Variants in NELL1 observed in about 807,000 individuals in gnomAD.
NELL1 encodes the protein protein kinase C-binding protein NELL1.
NELL1 carries 76 observed loss-of-function variants against 107.4 expected under a neutral mutation model. The observed-to-expected ratio is 0.71, with a 90% CI of 0.59 to 0.86. NELL1 has a LOEUF of 0.86. Among genes scored for constraint, NELL1 ranks in the 40% least tolerant of loss-of-function variants. The pLI is 0.00. For synonymous variants in NELL1, 353 were observed against 341.2 expected, an observed-to-expected ratio of 1.03 and a Z score of -0.38; for missense variants, 1,024 against 1,005.5, an observed-to-expected ratio of 1.02 and a Z score of -0.25.
chr11:21,334,475 T>C lies in NELL1; in HGVS notation c.1550-36378T>C, dbSNP rs528536162. ...CAAACATTATATTCATAATAGAGTA[T>C]GCTAAGATAATACCCCCACCTAAAG... On this transcript the variant is annotated intron_variant, in intron 14 of 19. Coordinates refer to ENST00000357134, the MANE Select transcript of NELL1 (RefSeq NM_006157.5). Among the ~76,000 whole-genome samples, 247 of 152,028 alleles carry C rather than the reference T, an allele frequency of 1.6e-3. 1 individual carries two copies. Among genetic ancestry groups the C allele is most frequent in the African/African-American group, 5.7e-3 (235 of 41,542 alleles).
At chr11:20,962,923 C>T (rs1179272384) in intron 12 of NELL1, among the ~76,000 whole-genome samples, 1 of 152,182 alleles carries the variant, frequency 6.6e-6, no homozygotes, top group African/African-American at 2.4e-5. Context: ...CATTGGACCC[C>T]TCCTAGCATG....
intron 12 of NELL1, among the ~76,000 whole-genome samples, chr11:21,091,907 A>G (rs1427723272): frequency 1.3e-5 from 2 of 152,188 alleles, no homozygotes; most frequent in African/African-American, 4.8e-5. Context: ...GACGTGTACA[A>G]GGTACCATAG....
intron 19 of NELL1, among the ~76,000 whole-genome samples, chr11:21,574,548 C>T (rs1313250662): frequency 6.6e-6 from 1 of 151,796 alleles, no homozygotes; most frequent in Admixed American, 6.6e-5. Flanking sequence ...CCTTACTGGA[C>T]CCCATCTTGG....
At chr11:21,250,710 A>C (rs1858615958) in intron 14 of NELL1, among the ~76,000 whole-genome samples, 1 of 152,196 alleles carries the variant, frequency 6.6e-6, no homozygotes, top group Non-Finnish European at 1.5e-5. Flanking sequence ...ATTCCTTGAC[A>C]TTGCAGATTA....
At chr11:20,969,824 G>A (rs540373854) in intron 12 of NELL1, among the ~76,000 whole-genome samples, 7 of 152,002 alleles carry the variant, frequency 4.6e-5, no homozygotes, top group African/African-American at 9.6e-5. Flanking sequence ...CAAAATAAAG[G>A]CCTTACTTTA....
chr11:21,196,307 G>C (rs1405507187), intron 13 of NELL1, among the ~76,000 whole-genome samples: 1 of 152,132 alleles, frequency 6.6e-6, no homozygotes, highest in Non-Finnish European at 1.5e-5. Context: ...ACCGTACTTA[G>C]AATATAATCC....
At chr11:20,813,961 T>C (rs374164277) in intron 3 of NELL1, among the ~76,000 whole-genome samples, 6 of 151,550 alleles carry the variant, frequency 4.0e-5, no homozygotes, top group Non-Finnish European at 8.8e-5. Context: ...TTTAATTTAT[T>C]TATTTTGTTA....
At chr11:21,083,507 G>A (rs568797726) in intron 12 of NELL1, among the ~76,000 whole-genome samples, 2 of 152,226 alleles carry the variant, frequency 1.3e-5, no homozygotes, top group South Asian at 4.1e-4. Flanking sequence ...AATTCTTGTT[G>A]GCAGTTACAA....
intron 9 of NELL1, among the ~76,000 whole-genome samples, chr11:20,932,237 C>T (rs1345704725): frequency 6.6e-5 from 10 of 151,910 alleles, no homozygotes; most frequent in African/African-American, 2.2e-4. Flanking sequence ...TCACAATCTC[C>T]AGGCATCAAC....
intron 13 of NELL1, among the ~76,000 whole-genome samples, chr11:21,216,290 C>T (rs1857611172): frequency 6.6e-6 from 1 of 152,182 alleles, no homozygotes; most frequent in Non-Finnish European, 1.5e-5. Flanking sequence ...GAGGCAGAGG[C>T]CTCATGGAGA....
At chr11:21,310,515 G>T (rs558434086) in intron 14 of NELL1, among the ~76,000 whole-genome samples, 2 of 152,114 alleles carry the variant, frequency 1.3e-5, no homozygotes, top group South Asian at 4.1e-4. Flanking sequence ...GACAATTGTG[G>T]TACATACTGT....
At chr11:21,337,512 A>G (rs1850432339) in intron 14 of NELL1, among the ~76,000 whole-genome samples, 1 of 152,252 alleles carries the variant, frequency 6.6e-6, no homozygotes. Flanking sequence ...AGAAGGCTAG[A>G]CAGCATACAG....
chr11:21,073,266 A>G (rs1445205050), intron 12 of NELL1, among the ~76,000 whole-genome samples: 1 of 152,132 alleles, frequency 6.6e-6, no homozygotes, highest in African/African-American at 2.4e-5. Flanking sequence ...ATCCATCTAG[A>G]GTCTCAGTGC....
intron 13 of NELL1, among the ~76,000 whole-genome samples, chr11:21,223,442 G>T (rs1857813005): frequency 6.6e-6 from 1 of 151,676 alleles, no homozygotes; most frequent in African/African-American, 2.4e-5. Context: ...TTTACTTTTA[G>T]ATGGTGTGTG....
At chr11:20,755,316 G>A (rs908005253) in intron 2 of NELL1, among the ~76,000 whole-genome samples, 3 of 152,294 alleles carry the variant, frequency 2.0e-5, no homozygotes, top group African/African-American at 7.2e-5. Flanking sequence ...GGGAGCTGCT[G>A]CTGGAAGTAA....
intron 1 of NELL1, among the ~76,000 whole-genome samples, chr11:20,671,773 G>GT (rs1555050277): frequency 9.0e-6 from 1 of 111,088 alleles, no homozygotes; most frequent in Non-Finnish European, 2.0e-5. Context: ...ACAGATTGAT[G>GT]GGGGGGGTGG....
intron 13 of NELL1, among the ~76,000 whole-genome samples, chr11:21,149,351 G>T (rs563102721): frequency 6.6e-6 from 1 of 152,240 alleles, no homozygotes; most frequent in Non-Finnish European, 1.5e-5. Flanking sequence ...ATAAAGGAAA[G>T]ATGTTTAATT....
At chr11:21,378,718 T>A (rs951962922) in intron 15 of NELL1, among the ~76,000 whole-genome samples, 1 of 21,024 alleles carries the variant, frequency 4.8e-5, no homozygotes, top group African/African-American at 2.1e-4. Context: ...CACTTGTACA[T>A]TTTTTTTTTT....
chr11:20,981,520 T>A (rs1034977800), intron 12 of NELL1, among the ~76,000 whole-genome samples: 1 of 152,210 alleles, frequency 6.6e-6, no homozygotes, highest in Non-Finnish European at 1.5e-5. Context: ...TAACTATGAT[T>A]ATTAACAGTG....
Sources: gnomAD v4.1 joint callset for allele counts (sites outside exome capture counted in the v4.1 genomes callset) on GRCh38, gnomAD v4.1.1 for gene constraint, MANE v1.5 for transcripts, NCBI Gene and HGNC (gene_info 2026-07-23, HGNC 2026-07-21) for gene names.